HDAC4: variants seen among roughly 807,000 people sequenced by gnomAD.
The protein encoded by HDAC4 is histone deacetylase 4, also known as histone deacetylase A.
Under a neutral mutation model 135.1 loss-of-function variants are expected in HDAC4, and 16 were observed. The ratio of observed to expected loss-of-function variants is 0.12; its 90% CI spans 0.08 to 0.18. HDAC4 has a LOEUF of 0.18. Among genes scored for constraint, HDAC4 ranks in the 10% least tolerant of loss-of-function variants. The pLI is 1.00. For synonymous variants in HDAC4, 685 were observed against 653.4 expected (o/e 1.05, Z -0.74); for missense variants, 1,143 against 1,511.8 (o/e 0.76, Z 4.05).
chr2:239,225,654 G>C (rs939929904), intron 3 of HDAC4, among the ~76,000 whole-genome samples: 1 of 152,176 alleles, frequency 6.6e-6, no homozygotes, highest in African/African-American at 2.4e-5. Flanking sequence ...CGCAGGGCTG[G>C]GTGCTGTAGA....
chr2:239,126,533 C>G lies in HDAC4; in HGVS notation c.1456G>C (p.Val486Leu). Residue 486 changes from valine to leucine, a missense_variant, in exon 12 of 27, where the codon GTC becomes CTC. By Grantham distance (32) the Val-to-Leu change is conservative. Around this residue, in one of 9 missense-constraint regions of HDAC4, gnomAD observed 7 missense variants for 30.5 expected, o/e 0.23. Coordinates refer to ENST00000543185, the MANE Select transcript of HDAC4 (RefSeq NM_001378414.1). ...AACTGCTGATGCTGCTGCTGGATGA[C>G]CAGGTGCTGCAGAGCCTGGGCGTTC... Reference protein sequence around the residue: ...PQNAQALQHLVIQQQHQQFLE... With the variant: ...PQNAQALQHLLIQQQHQQFLE... 1 of 1,613,548 alleles carries G rather than the reference C, an allele frequency of 6.2e-7. No homozygotes were observed. Among genetic ancestry groups the G allele is most frequent in the Non-Finnish European group, 8.5e-7 (1 of 1,179,830 alleles).
intron 2 of HDAC4, among the ~76,000 whole-genome samples, chr2:239,239,554 G>A (rs575366232): frequency 3.2e-4 from 49 of 152,120 alleles, no homozygotes; most frequent in Non-Finnish European, 2.9e-4. Context: ...TAGGAATAAC[G>A]AAAGGCTCGC....
At chr2:239,369,742 G>A (rs1052560976) in intron 1 of HDAC4, among the ~76,000 whole-genome samples, 2 of 152,124 alleles carry the variant, frequency 1.3e-5, no homozygotes, top group Admixed American at 6.5e-5. Flanking sequence ...GGCCCATGAC[G>A]TCTCAGCAGG....
chr2:239,379,803 CCACCACGGGGTCACACT>C (rs1217785255), intron 1 of HDAC4, among the ~76,000 whole-genome samples: 7 of 152,236 alleles, frequency 4.6e-5, no homozygotes, highest in East Asian at 1.9e-4. Context: ...AGCCCCTGCC[CCACCACGGGGTCACACT>C]CACCACAGGG....
intron 5 of HDAC4, among the ~76,000 whole-genome samples, chr2:239,166,649 G>T (rs1321001605): frequency 1.3e-5 from 2 of 152,210 alleles, no homozygotes; most frequent in African/African-American, 4.8e-5. Flanking sequence ...AGGCATGTGA[G>T]CACTGGCATT....
At chr2:239,390,195 T>C (rs1260964565) in intron 1 of HDAC4, among the ~76,000 whole-genome samples, 2 of 152,168 alleles carry the variant, frequency 1.3e-5, no homozygotes, top group Admixed American at 6.5e-5. Flanking sequence ...AGCGAGATCC[T>C]ATCTGATGGG....
intron 5 of HDAC4, among the ~76,000 whole-genome samples, chr2:239,165,482 CTGTGTGTG>C (rs111788661): frequency 2.1e-4 from 32 of 151,434 alleles, no homozygotes; most frequent in African/African-American, 7.2e-4. Context: ...TGTTGTGGGT[CTGTGTGTG>C]TGTGTGTGTT....
At chr2:239,247,651 G>A (rs1305326904) in intron 2 of HDAC4, among the ~76,000 whole-genome samples, 1 of 152,170 alleles carries the variant, frequency 6.6e-6, no homozygotes, top group African/African-American at 2.4e-5. Context: ...TCACAAACTC[G>A]CTAAAGGTGC....
At chr2:239,125,068 C>G (rs1225808481) in intron 12 of HDAC4, among the ~76,000 whole-genome samples, 5 of 152,264 alleles carry the variant, frequency 3.3e-5, no homozygotes, top group African/African-American at 1.2e-4. Context: ...CTGGGCTGTT[C>G]CCATGTAATG....
chr2:239,347,084 C>A, intron 2 of HDAC4, among the ~76,000 whole-genome samples: 1 of 149,394 alleles, frequency 6.7e-6, no homozygotes, highest in East Asian at 1.9e-4. Context: ...CACACCCTAA[C>A]ACACACTCTA....
At chr2:239,055,035 G>A (rs966765608) in intron 24 of HDAC4, 2 of 505,916 alleles carry the variant, frequency 4.0e-6, no homozygotes, top group Non-Finnish European at 7.2e-6. Context: ...TTTTTTTTTA[G>A]GACGCTATAA....
At chr2:239,212,354 C>T (rs1321245978) in intron 3 of HDAC4, among the ~76,000 whole-genome samples, 3 of 151,972 alleles carry the variant, frequency 2.0e-5, no homozygotes, top group Admixed American at 6.6e-5. Context: ...AGGGCACTGA[C>T]CCGACTCCCT....
chr2:239,330,615 T>A (rs1399130182), intron 2 of HDAC4, among the ~76,000 whole-genome samples: 14 of 152,204 alleles, frequency 9.2e-5, no homozygotes, highest in Admixed American at 8.5e-4. Flanking sequence ...ACCTTCACAC[T>A]CTGTTTTCTT....
chr2:239,228,167 G>A (rs943066331), intron 3 of HDAC4, among the ~76,000 whole-genome samples: 5 of 152,348 alleles, frequency 3.3e-5, no homozygotes, highest in African/African-American at 1.2e-4. Context: ...TGTGCCAGAC[G>A]CTACGCCAGA....
intron 2 of HDAC4, among the ~76,000 whole-genome samples, chr2:239,286,892 A>T (rs898058630): frequency 2.6e-5 from 4 of 152,220 alleles, no homozygotes; most frequent in Admixed American, 2.0e-4. Context: ...TTTTCAGATC[A>T]GACACACATA....
intron 17 of HDAC4, chr2:239,094,480 C>T: frequency 1.0e-6 from 1 of 1,003,532 alleles, no homozygotes; most frequent in Non-Finnish European, 1.2e-6. Flanking sequence ...TTCGTAGAAG[C>T]TGGCACAGAC....
In HDAC4 at chr2:239,171,019, A is replaced by C. The variant is rs909893311; in HGVS notation, c.490+5394T>G. Among the ~76,000 whole-genome samples, 19 of 152,230 alleles carry C rather than the reference A, an allele frequency of 1.2e-4. 1 individual carries two copies. Among genetic ancestry groups the C allele is most frequent in the Non-Finnish European group, 2.2e-4 (15 of 68,036 alleles). On this transcript the variant is annotated intron_variant, in intron 5 of 26. Transcript: ENST00000543185. Reference sequence around the variant, plus strand: ...ACCTGACTGCATTCAGATGCTTAAGAAACTTGGCCACTTCTGGTCAACTGC... The same window carrying C: ...ACCTGACTGCATTCAGATGCTTAAGCAACTTGGCCACTTCTGGTCAACTGC...
chr2:239,320,630 G>A (rs1256502508), intron 2 of HDAC4, among the ~76,000 whole-genome samples: 3 of 152,136 alleles, frequency 2.0e-5, no homozygotes. Flanking sequence ...CATGATTCTA[G>A]TGGGTTTCTG....
intron 24 of HDAC4, 70 bp downstream of exon 24, chr2:239,066,652 C>T (rs768007928): frequency 1.4e-5 from 23 of 1,608,538 alleles, no homozygotes; most frequent in East Asian, 8.9e-5. Context: ...CTGGGGCTCT[C>T]GGGCAGCCAG....
Sources: allele counts gnomAD v4.1 joint callset (sites outside exome capture counted in the v4.1 genomes callset), GRCh38; gene constraint gnomAD v4.1.1; regional missense constraint gnomAD v4.1.1; transcripts MANE v1.5; gene names NCBI Gene and HGNC (gene_info 2026-07-23, HGNC 2026-07-21).